The following XNDC1N variants were observed in gnomAD, a reference collection of about 807,000 sequenced individuals.
XNDC1N encodes the protein protein XNDC1N.
the XNDC1N span, chr11:71,884,268 C>T: frequency 2.0e-6 from 2 of 1,022,548 alleles, no homozygotes; most frequent in East Asian, 2.9e-5. Flanking sequence ...TCCACTTTTT[C>T]TCTTGCATTC....
At chr11:71,893,571 G>T in the XNDC1N span, 2,747 of 977,936 alleles carry the variant, frequency 2.8e-3, 1 homozygote, top group South Asian at 4.6e-3. Flanking sequence ...CCCTGTCCAT[G>T]CATCTGGTCA....
chr11:71,877,472 T>C, the XNDC1N span, among the ~76,000 whole-genome samples: 2 of 152,196 alleles, frequency 1.3e-5, no homozygotes, highest in African/African-American at 4.8e-5. Flanking sequence ...ACACTATTGC[T>C]ACTAAAGATA....
the XNDC1N span, among the ~76,000 whole-genome samples, chr11:71,878,687 A>G: frequency 2.5e-4 from 38 of 152,184 alleles, no homozygotes; most frequent in Admixed American, 2.5e-3. Flanking sequence ...CACTGCAGTG[A>G]TTTAACCTAT....
chr11:71,908,482 C>T, the XNDC1N span, among the ~76,000 whole-genome samples: 596 of 152,070 alleles, frequency 3.9e-3, 5 homozygotes, highest in African/African-American at 0.013. Context: ...AGTCGCATTG[C>T]GCCATTCCAC....
chr11:71,890,348 C>T, the XNDC1N span, among the ~76,000 whole-genome samples: 1 of 152,170 alleles, frequency 6.6e-6, no homozygotes, highest in Non-Finnish European at 1.5e-5. Flanking sequence ...CATCCTGCGC[C>T]TCCCTGGATA....
At chr11:71,885,832 T>C in the XNDC1N span, among the ~76,000 whole-genome samples, 1 of 151,962 alleles carries the variant, frequency 6.6e-6, no homozygotes, top group East Asian at 1.9e-4. Flanking sequence ...ATGAATAAGA[T>C]CAATATCAGT....
chr11:71,880,569 T>A, the XNDC1N span, among the ~76,000 whole-genome samples: 2 of 152,156 alleles, frequency 1.3e-5, no homozygotes, highest in East Asian at 3.8e-4. Flanking sequence ...TGGATTTCAT[T>A]TTTTCTTGTT....
At chr11:71,880,689 A>G in the XNDC1N span, among the ~76,000 whole-genome samples, 1 of 152,106 alleles carries the variant, frequency 6.6e-6, no homozygotes. Context: ...GTTGTATTCC[A>G]TAGGCTTTGG....
chr11:71,917,737 T>C, the XNDC1N span: 7 of 703,182 alleles, frequency 1.0e-5, no homozygotes, highest in South Asian at 1.0e-4. Context: ...CCAGGAAGAA[T>C]GGCCCACATC....
At chr11:71,901,924 A>T in the XNDC1N span, among the ~76,000 whole-genome samples, 1 of 152,080 alleles carries the variant, frequency 6.6e-6, no homozygotes, top group South Asian at 2.1e-4. Flanking sequence ...CTTCAACTCC[A>T]CACAATTCAA....
chr11:71,884,215 C>T, the XNDC1N span: 6 of 548,946 alleles, frequency 1.1e-5, no homozygotes, highest in African/African-American at 1.2e-4. Flanking sequence ...TCATTTACTA[C>T]TCTCTTTACA....
the XNDC1N span, among the ~76,000 whole-genome samples, chr11:71,910,608 C>G: frequency 6.6e-6 from 1 of 152,190 alleles, no homozygotes; most frequent in African/African-American, 2.4e-5. Context: ...CCTACACCGG[C>G]ACCTGGAGGA....
the XNDC1N span, among the ~76,000 whole-genome samples, chr11:71,903,034 T>A: frequency 6.6e-6 from 1 of 152,228 alleles, no homozygotes; most frequent in Non-Finnish European, 1.5e-5. Flanking sequence ...TTGTCAGAAC[T>A]ACAAAATATT....
the XNDC1N span, among the ~76,000 whole-genome samples, chr11:71,873,852 T>C: frequency 6.6e-6 from 1 of 152,186 alleles, no homozygotes; most frequent in African/African-American, 2.4e-5. Flanking sequence ...AATAAGGAAA[T>C]AATTTGATTT....
chr11:71,887,031 G>A, the XNDC1N span, among the ~76,000 whole-genome samples: 7 of 152,270 alleles, frequency 4.6e-5, no homozygotes, highest in South Asian at 2.1e-4. Context: ...AGGAGGCCCC[G>A]GACAAGGAGG....
the XNDC1N span, chr11:71,903,576 C>A: frequency 1.5e-6 from 1 of 667,174 alleles, no homozygotes; most frequent in African/African-American, 1.8e-5. Context: ...CCATCTGTCA[C>A]CCTCCATATC....
chr11:71,908,804 G>A, the XNDC1N span, among the ~76,000 whole-genome samples: 1 of 152,178 alleles, frequency 6.6e-6, no homozygotes, highest in African/African-American at 2.4e-5. Context: ...CAGCAACTAA[G>A]TGGCTAGAGG....
At chr11:71,904,884 C>T in the XNDC1N span, among the ~76,000 whole-genome samples, 9 of 151,976 alleles carry the variant, frequency 5.9e-5, no homozygotes. Context: ...ACATGATATA[C>T]ACCCTGGTGC....
At chr11:71,885,735 T>C in the XNDC1N span, among the ~76,000 whole-genome samples, 1 of 152,044 alleles carries the variant, frequency 6.6e-6, no homozygotes, top group East Asian at 1.9e-4. Flanking sequence ...CCGATATTAA[T>C]ATTAATATTA....
Sources: allele counts gnomAD v4.1 joint callset (sites outside exome capture counted in the v4.1 genomes callset), GRCh38; gene constraint gnomAD v4.1.1; transcripts MANE v1.5; gene names NCBI Gene and HGNC (gene_info 2026-07-23, HGNC 2026-07-21).